The following RPN2 variants were observed in gnomAD, a reference collection of about 807,000 sequenced individuals.
RPN2 encodes the protein ribophorin II, also known as dolichyl-diphosphooligosaccharide--protein glycosyltransferase subunit 2.
Under a neutral mutation model 71.4 loss-of-function variants are expected in RPN2, and 29 were observed. The observed-to-expected ratio is 0.41, with a 90% confidence interval of 0.30 to 0.55. RPN2 has a LOEUF of 0.55. RPN2 is among the 20% of genes least tolerant of loss of function. The pLI is 0.35. For missense variants in RPN2, 726 were observed against 774.1 expected, an observed-to-expected ratio of 0.94 and a Z score of 0.74; for synonymous variants, 308 against 305.0, an observed-to-expected ratio of 1.01 and a Z score of -0.10.
At chr20:37,187,501 C>CAAAAAAAAAAAAAAAAAAAAAAA (rs532495023) in intron 2 of RPN2, among the ~76,000 whole-genome samples, 2 of 8,742 alleles carry the variant, frequency 2.3e-4, no homozygotes, top group African/African-American at 1.5e-3. Context: ...GACTCCGTCT[C>CAAAAAAAAAAAAAAAAAAAAAAA]AAAAAAAAAA....
intron 8 of RPN2, among the ~76,000 whole-genome samples, chr20:37,211,192 G>A (rs989679344): frequency 6.6e-6 from 1 of 151,506 alleles, no homozygotes; most frequent in African/African-American, 2.4e-5. Context: ...GTGACACTAC[G>A]CCTGGCTAAT....
At chr20:37,228,243 A>C (rs2068130311) in intron 11 of RPN2, among the ~76,000 whole-genome samples, 3 of 152,198 alleles carry the variant, frequency 2.0e-5, no homozygotes, top group Admixed American at 2.0e-4. Context: ...CTGGCGGGAA[A>C]AAGAAATTGC....
In RPN2 at chr20:37,241,408, A is replaced by G; in HGVS notation, c.*93A>G. The G allele has an allele frequency of 2.1e-6, 3 of 1,462,206 alleles. No individual in the cohort carries two copies. The highest frequency in any genetic ancestry group is 2.8e-6 in the Non-Finnish European group (3 of 1,073,378). 90.6% of individuals were successfully genotyped at this position (1,462,206 alleles called of 1,614,324 possible). A position where few individuals can be genotyped will look rare whatever the true frequency, so the allele number is the denominator to read the frequency against. On this transcript the variant is annotated 3_prime_UTR_variant, in exon 17 of 17. Coordinates refer to ENST00000237530, the MANE Select transcript of RPN2 (RefSeq NM_002951.5). ...ATGAGAAGAAAAATGGAAAAAAAAAACTTTATTTAAAAAAGAAAAAAGTCC... is the reference window on the plus strand; with the variant it reads ...ATGAGAAGAAAAATGGAAAAAAAAAGCTTTATTTAAAAAAGAAAAAAGTCC...
intron 1 of RPN2, among the ~76,000 whole-genome samples, chr20:37,180,980 C>T (rs2066856297): frequency 6.6e-6 from 1 of 152,136 alleles, no homozygotes; most frequent in African/African-American, 2.4e-5. Context: ...CCTGTAATCC[C>T]AGCACTTTGG....
At chr20:37,200,378 C>G in intron 4 of RPN2, 1 of 492,322 alleles carries the variant, frequency 2.0e-6, no homozygotes, top group Non-Finnish European at 4.2e-6. Context: ...AACACTTAAA[C>G]TGCTCCTTTA....
chr20:37,210,159 C>G lies in RPN2; in HGVS notation c.980C>G (p.Pro327Arg). 6.2e-7 allele frequency: 1 copy of G among 1,613,936 alleles called. No individual in the cohort carries two copies. Among genetic ancestry groups the G allele is most frequent in the Non-Finnish European group, 8.5e-7 (1 of 1,179,974 alleles). ...GTCCTCCAGAAGACATCCTTCACCC[C>G]TGTAGGGTAAGTCCTGATCATATTT... ...ATVLQKTSFT[P>R]VGDVFELNFM... The change falls in exon 8 of 17, where the codon CCT becomes CGT. Residue 327 changes from proline to arginine, a missense_variant. Coordinates refer to ENST00000237530, the MANE Select transcript of RPN2 (RefSeq NM_002951.5).
chr20:37,192,168 T>G (rs1461962081), intron 2 of RPN2, among the ~76,000 whole-genome samples: 2 of 152,058 alleles, frequency 1.3e-5, no homozygotes, highest in African/African-American at 4.8e-5. Context: ...AATGAGATAA[T>G]AAGTGTAAAG....
chr20:37,203,327 A>T (rs1181843749), intron 4 of RPN2, among the ~76,000 whole-genome samples: 1 of 150,918 alleles, frequency 6.6e-6, no homozygotes, highest in East Asian at 2.0e-4. Context: ...TTTGCTTTTT[A>T]AAATGGTTAA....
intron 11 of RPN2, among the ~76,000 whole-genome samples, chr20:37,226,173 A>C (rs2068071242): frequency 6.6e-6 from 1 of 152,136 alleles, no homozygotes; most frequent in Non-Finnish European, 1.5e-5. Flanking sequence ...TCCTAGGTTC[A>C]AGCGATTCTC....
intron 10 of RPN2, 70 bp from the exon 11 acceptor site, chr20:37,225,618 A>G (rs1323723786): frequency 1.0e-6 from 1 of 973,986 alleles, no homozygotes; most frequent in Admixed American, 1.7e-5. Flanking sequence ...GAAGTGAAGT[A>G]TATATTTTCT....
At chr20:37,179,886 T>C (rs545780818) in intron 1 of RPN2, among the ~76,000 whole-genome samples, 5 of 152,264 alleles carry the variant, frequency 3.3e-5, no homozygotes, top group Non-Finnish European at 1.5e-5. Context: ...GTATTCATTG[T>C]GTAACCCAAA....
chr20:37,197,724 A>G (rs1359288523), intron 2 of RPN2, among the ~76,000 whole-genome samples: 2 of 152,012 alleles, frequency 1.3e-5, no homozygotes, highest in Non-Finnish European at 2.9e-5. Context: ...TCAGCCTCCC[A>G]GGTAGCTGGG....
chr20:37,214,795 G>GTGAT (rs1377855286), intron 9 of RPN2, among the ~76,000 whole-genome samples: 2 of 152,248 alleles, frequency 1.3e-5, no homozygotes, highest in East Asian at 1.9e-4. Flanking sequence ...CTTGAGTAAG[G>GTGAT]TGATTGTGTG....
chr20:37,184,801 A>G (rs1244263839), intron 2 of RPN2, among the ~76,000 whole-genome samples: 1 of 152,166 alleles, frequency 6.6e-6, no homozygotes, highest in African/African-American at 2.4e-5. Flanking sequence ...CAAAAAAAGA[A>G]GTTTATTTCA....
chr20:37,207,267 T>G lies in RPN2; in HGVS notation c.691-6T>G. 6.2e-7 allele frequency: 1 copy of G among 1,612,994 alleles called. No homozygotes were observed. Among genetic ancestry groups the G allele is most frequent in the Non-Finnish European group, 8.5e-7 (1 of 1,178,918 alleles). Reference sequence around the variant, plus strand: ...GAGAAACAGCTGCATTTCGCATTTCTTTCAGGATCAGGTCATCCAGCTGAT... The same window carrying G: ...GAGAAACAGCTGCATTTCGCATTTCGTTCAGGATCAGGTCATCCAGCTGAT... On this transcript the variant is annotated splice_polypyrimidine_tract_variant and splice_region_variant and intron_variant, in intron 6 of 16. Coordinates refer to ENST00000237530, the MANE Select transcript of RPN2 (RefSeq NM_002951.5).
intron 2 of RPN2, among the ~76,000 whole-genome samples, chr20:37,191,724 T>G (rs1041086720): frequency 3.9e-5 from 6 of 152,006 alleles, no homozygotes; most frequent in Admixed American, 3.9e-4. Flanking sequence ...TTGAGTTATA[T>G]TTATATAAAA....
intron 11 of RPN2, among the ~76,000 whole-genome samples, chr20:37,227,826 C>T (rs1331549672): frequency 6.6e-6 from 1 of 152,204 alleles, no homozygotes; most frequent in Non-Finnish European, 1.5e-5. Context: ...AGACTCAGTA[C>T]CATCGTATTG....
Position 37,179,387 on chromosome 20 carries a change from G to GCTTGTAGACAGGGCCCCGCGGCCGGCACT in RPN2, c.13+21_13+22insGTAGACAGGGCCCCGCGGCCGGCACTCTT, listed in dbSNP as rs11467214. 7.3e-6 allele frequency: 11 copies of GCTTGTAGACAGGGCCCCGCGGCCGGCACT among 1,507,854 alleles called. No homozygotes were observed. Among genetic ancestry groups the GCTTGTAGACAGGGCCCCGCGGCCGGCACT allele is most frequent in the African/African-American group, 1.4e-5 (1 of 72,352 alleles). 93.4% of individuals were successfully genotyped at this position (1,507,854 alleles called of 1,614,324 possible). A position where few individuals can be genotyped will look rare whatever the true frequency, so the allele number is the denominator to read the frequency against. On this transcript the variant is annotated intron_variant, in intron 1 of 16. Coordinates refer to ENST00000237530, the MANE Select transcript of RPN2 (RefSeq NM_002951.5). ...GCCGCCGGGTGAGGAGTTGCGCGTG[G>GCTTGTAGACAGGGCCCCGCGGCCGGCACT]CTTTGGGGAGAGGGCTGTCGCCCGC... is the stretch of plus-strand genomic sequence containing the variant.
At chr20:37,210,278 A>G (rs2067625666) in intron 8 of RPN2, 113 bp downstream of exon 8, 1 of 1,572,384 alleles carries the variant, frequency 6.4e-7, no homozygotes, top group African/African-American at 1.3e-5. Flanking sequence ...ATCTACTGGT[A>G]TCGAAAGCCT....
Sources: gnomAD v4.1 joint callset for allele counts (sites outside exome capture counted in the v4.1 genomes callset) on GRCh38, gnomAD v4.1.1 for gene constraint, MANE v1.5 for transcripts, NCBI Gene and HGNC (gene_info 2026-07-23, HGNC 2026-07-21) for gene names.